The following RBPJL variants were observed in gnomAD, a reference collection of about 807,000 sequenced individuals.
RBPJL encodes the protein recombining binding protein suppressor of hairless-like protein.
A neutral mutation model predicts 57.6 loss-of-function variants in RBPJL; 50 were observed. That is an observed-to-expected ratio of 0.87 (90% CI 0.69 to 1.10). The LOEUF is 1.10. RBPJL is among the 50% of genes least tolerant of loss of function. RBPJL has a pLI of 0.00. For missense variants in RBPJL, 684 were observed against 693.7 expected, an observed-to-expected ratio of 0.99 and a Z score of 0.16; for synonymous variants, 303 against 294.4, an observed-to-expected ratio of 1.03 and a Z score of -0.30.
intron 10 of RBPJL, 38 bp from the exon 11 acceptor site, chr20:45,316,439 T>G: frequency 1.3e-6 from 2 of 1,560,538 alleles, no homozygotes; most frequent in Non-Finnish European, 1.7e-6. Flanking sequence ...CCCGCCCTAC[T>G]TGGTTCTCTC....
At chr20:45,313,091 C>G (rs979869191) in intron 6 of RBPJL, among the ~76,000 whole-genome samples, 3 of 151,954 alleles carry the variant, frequency 2.0e-5, no homozygotes, top group Non-Finnish European at 4.4e-5. Context: ...GGTTCCAAAG[C>G]AGGACTGCAG....
At chr20:45,312,150 T>A (rs1987208086) in intron 5 of RBPJL, 71 bp from the exon 6 acceptor site, 2 of 1,605,344 alleles carry the variant, frequency 1.2e-6, no homozygotes, top group Admixed American at 3.3e-5. Flanking sequence ...ACGTCCGATA[T>A]CTGGGAGAGG....
chr20:45,309,580 C>A lies in RBPJL; in HGVS notation c.145C>A (p.His49Asn). 6.2e-7 allele frequency: 1 copy of A among 1,611,668 alleles called. No homozygotes were observed. The highest frequency in any genetic ancestry group is 1.1e-5 in the South Asian group (1 of 90,504). ...CCCTACTCCCAGGTCATCCCCAGAG[C>A]ACACCACCATTCTGAGGGGAGGCGT... ...PGTWTRSSPE[H>N]TTILRGGVRR... The change falls in exon 3 of 12, where the codon CAC becomes AAC. Residue 49 changes from histidine to asparagine, a missense_variant. Coordinates refer to ENST00000343694, the MANE Select transcript of RBPJL (RefSeq NM_014276.4).
rs138228405 is a variant in RBPJL, at chr20:45,307,662, C to G, written c.23-481C>G. Among the ~76,000 whole-genome samples, 962 of 152,318 alleles carry G rather than the reference C, an allele frequency of 6.3e-3. 29 individuals carry two copies. Among genetic ancestry groups the G allele is most frequent in the Admixed American group, 0.047 (723 of 15,304 alleles). On this transcript the variant is annotated intron_variant, in intron 1 of 11. Coordinates refer to ENST00000343694, the MANE Select transcript of RBPJL (RefSeq NM_014276.4). ...CTTCTCACCTGGCACCCTGCCTCCACCCCAGGAATCCTAGAAAGTCAAAAT... is the reference window on the plus strand; with the variant it reads ...CTTCTCACCTGGCACCCTGCCTCCAGCCCAGGAATCCTAGAAAGTCAAAAT...
rs1987473103 is a variant in RBPJL, at chr20:45,316,484, G to T, written c.1184G>T (p.Gly395Val). ...GGTCCCACCCTCCCCCAGCTGAGCG[G>T]CGGGGGCGACGTGGCCACGCTGGAG... Reference protein sequence around the residue: ...VPLISTLELSGGGDVATLELH... With the variant: ...VPLISTLELSVGGDVATLELH... Residue 395 changes from glycine to valine, a missense_variant, in exon 11 of 12, where the codon GGC becomes GTC. Transcript: ENST00000343694. The T allele has an allele frequency of 6.5e-7, 1 of 1,547,370 alleles. No homozygotes were observed.
chr20:45,311,729 G>C, intron 4 of RBPJL, 70 bp downstream of exon 4: 1 of 1,583,400 alleles, frequency 6.3e-7, no homozygotes, highest in Middle Eastern at 1.8e-4. Flanking sequence ...GCCCGAGACG[G>C]GGCGGTTCGC....
At chr20:45,314,620 A>G (rs1987366161) in intron 9 of RBPJL, 55 bp downstream of exon 9, 3 of 1,547,542 alleles carry the variant, frequency 1.9e-6, no homozygotes, top group African/African-American at 1.4e-5. Context: ...AATGCAGAGA[A>G]CCACAGAATG....
chr20:45,317,245 T>C lies in RBPJL; in HGVS notation c.*286T>C, dbSNP rs1987523531. 2 of 506,350 alleles carry C rather than the reference T, an allele frequency of 3.9e-6. No individual in the cohort carries two copies. The highest frequency in any genetic ancestry group is 1.9e-5 in the African/African-American group (1 of 51,538). 31.4% of individuals were successfully genotyped at this position (506,350 alleles called of 1,614,324 possible). A position where few individuals can be genotyped will look rare whatever the true frequency, so the allele number is the denominator to read the frequency against. The stretch of plus-strand genomic sequence containing the variant: ...CTCTGTCTCTAAACCTCTCTCTCTC[T>C]CCCTTCCCCCTCAGTACTTAGTCTA... On this transcript the variant is annotated 3_prime_UTR_variant, in exon 12 of 12. Transcript: ENST00000343694.
At position 45,315,955 on chromosome 20, in the gene RBPJL, A is replaced by G. The variant is rs1987442072; in HGVS notation, c.1021-232A>G. ...AAAAGGAAGGAAGGAAGGAAAATAA[A>G]GAAAAAAGAAAGAAGAAAGAAGAAA... On this transcript the variant is annotated intron_variant, in intron 9 of 11. Coordinates refer to ENST00000343694, the MANE Select transcript of RBPJL (RefSeq NM_014276.4). 2 of 398,364 alleles carry G rather than the reference A, an allele frequency of 5.0e-6. 1 individual carries two copies. The highest frequency in any genetic ancestry group is 8.6e-5 in the Admixed American group (2 of 23,148). The allele number at this position is 398,364 out of a possible 1,614,324, so 24.7% of individuals were successfully genotyped here.
chr20:45,313,471 G>T lies in RBPJL; in HGVS notation c.623G>T (p.Cys208Phe). The T allele has an allele frequency of 1.2e-6, 2 of 1,610,656 alleles. No individual in the cohort carries two copies. Among genetic ancestry groups the T allele is most frequent in the Non-Finnish European group, 8.5e-7 (1 of 1,178,620 alleles). Residue 208 changes from cysteine (C) to phenylalanine (F), a missense_variant, in exon 7 of 12, where the codon TGC becomes TTC. Coordinates refer to ENST00000343694, the MANE Select transcript of RBPJL (RefSeq NM_014276.4). Reference protein sequence around the residue: ...KKQSLKNTDLCISSGSKVSLF... With the variant: ...KKQSLKNTDLFISSGSKVSLF... ...ACCCTGACCCTCACCCTCACAGTGT[G>T]CATATCCTCCGGCTCAAAGGTCTCC...
chr20:45,307,009 AC>A (rs1384705505), intron 1 of RBPJL, 65 bp downstream of exon 1: 70 of 614,426 alleles, frequency 1.1e-4, no homozygotes, highest in Non-Finnish European at 1.3e-4. Context: ...CCACCCCCCC[AC>A]CCCCTCCCCA....
chr20:45,313,542 T>G lies in RBPJL; in HGVS notation c.694T>G (p.Ser232Ala), dbSNP rs770094943. Residue 232 changes from serine (S) to alanine (A), a missense_variant, in exon 7 of 12, where the codon TCT (serine) becomes GCT (alanine). Coordinates refer to ENST00000343694, the MANE Select transcript of RBPJL (RefSeq NM_014276.4). Reference sequence around the variant, plus strand: ...TCAGACGGTCTCCACACGCTACCTCTCTGTGGAGGATGGGGCCTTTGTGGC... The same window carrying G: ...TCAGACGGTCTCCACACGCTACCTCGCTGTGGAGGATGGGGCCTTTGTGGC... ...RSQTVSTRYL[S>A]VEDGAFVASA... The G allele has an allele frequency of 6.2e-7, 1 of 1,613,984 alleles. No homozygotes were observed. Among genetic ancestry groups the G allele is most frequent in the Non-Finnish European group, 8.5e-7 (1 of 1,179,946 alleles).
intron 1 of RBPJL, 120 bp downstream of exon 1, chr20:45,307,064 A>G: frequency 1.8e-6 from 1 of 560,222 alleles, no homozygotes; most frequent in African/African-American, 2.2e-5. Context: ...CAGCCCGCCG[A>G]ACTGCAAAAG....
At chr20:45,313,927 C>A in intron 7 of RBPJL, 108 bp from the exon 8 acceptor site, 5 of 818,418 alleles carry the variant, frequency 6.1e-6, no homozygotes, top group Non-Finnish European at 1.0e-5. Flanking sequence ...AGCTTTCCCG[C>A]AGGGCCCATG....
chr20:45,312,259 A>T lies in RBPJL; in HGVS notation c.483A>T (p.Ala161=). ...GCAKTLYISD[A]DKRKHFRLVL... The stretch of plus-strand genomic sequence containing the variant: ...CCAAGACCCTGTACATCTCAGATGC[A>T]GACAAGAGGAAGCACTTTCGGCTGG... The change falls in exon 6 of 12, where the codon GCA becomes GCT. Residue 161 remains alanine (A), a synonymous_variant. Transcript: ENST00000343694. The T allele has an allele frequency of 6.2e-7, 1 of 1,614,250 alleles. No individual in the cohort carries two copies. Among genetic ancestry groups the T allele is most frequent in the Non-Finnish European group, 8.5e-7 (1 of 1,180,038 alleles).
Position 45,315,634 on chromosome 20 carries a change from G to A in RBPJL, c.1021-553G>A, listed in dbSNP as rs1377370164. The stretch of plus-strand genomic sequence containing the variant: ...CTGGCACCTGTAATCCCAGCTACCC[G>A]GGCGCCTGAGGCAGGAGAATCATTT... On this transcript the variant is annotated intron_variant, in intron 9 of 11. Coordinates refer to ENST00000343694, the MANE Select transcript of RBPJL (RefSeq NM_014276.4). Among the ~76,000 whole-genome samples the A allele has an allele frequency of 7.3e-5, 11 of 151,634 alleles. No individual in the cohort carries two copies. In the East Asian group the frequency reaches 7.7e-4, roughly 11 times the overall value.
chr20:45,316,607 TG>T, intron 11 of RBPJL, 27 bp downstream of exon 11: 1 of 1,517,744 alleles, frequency 6.6e-7, no homozygotes, highest in Non-Finnish European at 8.8e-7. Flanking sequence ...CAGCCTCTCT[TG>T]GGCCCCGGGG....
intron 8 of RBPJL, 29 bp downstream of exon 8, chr20:45,314,173 G>A: frequency 6.4e-7 from 1 of 1,573,762 alleles, no homozygotes; most frequent in East Asian, 2.2e-5. Flanking sequence ...TGCCTGGAGG[G>A]GTCCCCTCAG....
chr20:45,311,827 G>A lies in RBPJL; in HGVS notation c.329-12G>A. 4 of 1,548,466 alleles carry A rather than the reference G, an allele frequency of 2.6e-6. No individual in the cohort carries two copies. Among genetic ancestry groups the A allele is most frequent in the Non-Finnish European group, 2.6e-6 (3 of 1,143,772 alleles). Reference sequence around the variant, plus strand: ...CCGAGTCCTTGCAGAGCCAGTTCGCGTCCCTTTCCAGCTCACCAGGCGGGG... The same window carrying A: ...CCGAGTCCTTGCAGAGCCAGTTCGCATCCCTTTCCAGCTCACCAGGCGGGG... On this transcript the variant is annotated splice_polypyrimidine_tract_variant and intron_variant, in intron 4 of 11. Transcript: ENST00000343694.
Sources: gnomAD v4.1 joint callset for allele counts (sites outside exome capture counted in the v4.1 genomes callset) on GRCh38, gnomAD v4.1.1 for gene constraint, MANE v1.5 for transcripts, NCBI Gene and HGNC (gene_info 2026-07-23, HGNC 2026-07-21) for gene names.